Variants in EXOC4 observed in about 807,000 individuals in gnomAD.
EXOC4 encodes exocyst complex component 4.
A neutral mutation model predicts 107.2 loss-of-function variants in EXOC4; 71 were observed. The observed-to-expected ratio is 0.66, with a 90% CI of 0.55 to 0.81. The LOEUF (loss-of-function observed/expected upper bound fraction) is 0.81. Among genes scored for constraint, EXOC4 ranks in the 30% least tolerant of loss-of-function variants. EXOC4 has a pLI of 0.00. For synonymous variants in EXOC4, 456 were observed against 441.2 expected (o/e 1.03, Z -0.42); for missense variants, 1,108 against 1,189.6 (o/e 0.93, Z 1.01).
intron 11 of EXOC4, among the ~76,000 whole-genome samples, chr7:133,857,527 G>A (rs1798442671): frequency 6.7e-6 from 1 of 148,246 alleles, no homozygotes; most frequent in South Asian, 2.2e-4. Context: ...AGGCTGTGCT[G>A]CTCGGCTCAT....
At position 133,484,299 on chromosome 7, in the gene EXOC4, T is replaced by C. The variant is rs1584952245; in HGVS notation, c.1417+4161T>C. 9 of 840,144 alleles carry C rather than the reference T, an allele frequency of 1.1e-5. No homozygotes were observed. In the East Asian group the frequency reaches 2.3e-4, roughly 21 times the overall value. 52.0% of individuals were successfully genotyped at this position (840,144 alleles called of 1,614,324 possible). A position where few individuals can be genotyped will look rare whatever the true frequency, so the allele number is the denominator to read the frequency against. The stretch of plus-strand genomic sequence containing the variant: ...GCTGTTGGCAGTTGGGCTGCGGAGA[T>C]GTGGGTGCTGCTTCAAAATGTGTGA... On this transcript the variant is annotated intron_variant, in intron 9 of 17. Coordinates refer to ENST00000253861, the MANE Select transcript of EXOC4 (RefSeq NM_021807.4).
intron 15 of EXOC4, among the ~76,000 whole-genome samples, chr7:133,998,903 C>T (rs898661638): frequency 6.6e-6 from 1 of 151,990 alleles, no homozygotes; most frequent in African/African-American, 2.4e-5. Context: ...GAAGGTAGAG[C>T]TAATGAAGTT....
intron 9 of EXOC4, among the ~76,000 whole-genome samples, chr7:133,572,659 C>T (rs972531012): frequency 6.6e-6 from 1 of 152,100 alleles, no homozygotes; most frequent in African/African-American, 2.4e-5. Context: ...ACAAAAATCG[C>T]TTTCATGAAA....
At chr7:133,441,569 T>C (rs1409343513) in intron 7 of EXOC4, among the ~76,000 whole-genome samples, 1 of 152,104 alleles carries the variant, frequency 6.6e-6, no homozygotes, top group Admixed American at 6.5e-5. Context: ...TTTTGTATTT[T>C]TTTCTGTAGA....
chr7:133,382,710 GA>G (rs1796644194), intron 7 of EXOC4, among the ~76,000 whole-genome samples: 1 of 152,160 alleles, frequency 6.6e-6, no homozygotes, highest in Admixed American at 6.6e-5. Flanking sequence ...TCTTTGAATG[GA>G]AAACATTTCC....
chr7:133,305,284 G>A lies in EXOC4; in HGVS notation c.472-593G>A, dbSNP rs1271601904. Among the ~76,000 whole-genome samples the A allele has an allele frequency of 3.3e-5, 5 of 152,048 alleles. No individual in the cohort carries two copies. In the East Asian group the frequency reaches 9.7e-4, roughly 29 times the overall value. The stretch of plus-strand genomic sequence containing the variant: ...GTCTTCCAGTCACCATTCATATCCC[G>A]TTTCTTCTATCAAACTGAATCAGGA... On this transcript the variant is annotated intron_variant, in intron 3 of 17. Transcript: ENST00000253861.
chr7:133,931,181 G>A (rs1800166855), intron 13 of EXOC4, among the ~76,000 whole-genome samples: 1 of 152,124 alleles, frequency 6.6e-6, no homozygotes, highest in Non-Finnish European at 1.5e-5. Flanking sequence ...ATAAACTCAG[G>A]ATTCAACACT....
chr7:133,435,713 C>T (rs758525576), intron 7 of EXOC4, among the ~76,000 whole-genome samples: 2 of 152,052 alleles, frequency 1.3e-5, no homozygotes, highest in African/African-American at 2.4e-5. Context: ...TATCCTAGTC[C>T]CATCCATCTG....
chr7:134,004,459 C>T (rs184337486), intron 15 of EXOC4, among the ~76,000 whole-genome samples: 1 of 152,256 alleles, frequency 6.6e-6, no homozygotes, highest in East Asian at 1.9e-4. Flanking sequence ...AAGTAGTCTC[C>T]TTACACTTTT....
intron 7 of EXOC4, among the ~76,000 whole-genome samples, chr7:133,429,381 G>T (rs765017110): frequency 2.6e-5 from 4 of 152,012 alleles, no homozygotes; most frequent in African/African-American, 9.7e-5. Flanking sequence ...AATTGATTCT[G>T]TTACGTATTA....
chr7:133,428,111 T>C (rs539875151), intron 7 of EXOC4, among the ~76,000 whole-genome samples: 1 of 152,206 alleles, frequency 6.6e-6, no homozygotes, highest in Non-Finnish European at 1.5e-5. Flanking sequence ...TTAGAATTGC[T>C]GGATCACACT....
At chr7:133,833,172 A>AGGTGGT (rs1563019188) in intron 11 of EXOC4, among the ~76,000 whole-genome samples, 1 of 95,390 alleles carries the variant, frequency 1.0e-5, no homozygotes, top group Non-Finnish European at 2.6e-5. Flanking sequence ...AACTTAACAC[A>AGGTGGT]ATGATTTTTC....
At chr7:133,734,587 T>A (rs1281452772) in intron 10 of EXOC4, among the ~76,000 whole-genome samples, 1 of 152,096 alleles carries the variant, frequency 6.6e-6, no homozygotes, top group Non-Finnish European at 1.5e-5. Context: ...GAAATTCTAG[T>A]TTTCCTGTAC....
At chr7:133,397,059 C>T (rs1234734846) in intron 7 of EXOC4, among the ~76,000 whole-genome samples, 1 of 152,162 alleles carries the variant, frequency 6.6e-6, no homozygotes, top group African/African-American at 2.4e-5. Context: ...CTGGTCCAGA[C>T]AAAGCCCATC....
chr7:134,058,152 G>A (rs1795973587), intron 17 of EXOC4, among the ~76,000 whole-genome samples: 1 of 152,082 alleles, frequency 6.6e-6, no homozygotes, highest in South Asian at 2.1e-4. Context: ...ATCTACCATT[G>A]GGTTTTTATT....
At chr7:133,741,582 T>C (rs1301424633) in intron 10 of EXOC4, among the ~76,000 whole-genome samples, 1 of 152,196 alleles carries the variant, frequency 6.6e-6, no homozygotes, top group African/African-American at 2.4e-5. Flanking sequence ...TGGGACATAG[T>C]TGGCACTCAG....
At chr7:133,922,654 T>G (rs895428443) in intron 13 of EXOC4, among the ~76,000 whole-genome samples, 1 of 152,134 alleles carries the variant, frequency 6.6e-6, no homozygotes, top group African/African-American at 2.4e-5. Context: ...GAGACCATCT[T>G]GCCTAACACG....
chr7:133,292,308 C>T (rs947981748), intron 3 of EXOC4, among the ~76,000 whole-genome samples: 14 of 152,210 alleles, frequency 9.2e-5, no homozygotes, highest in Non-Finnish European at 1.5e-4. Context: ...ATTATCTTTG[C>T]AATGTTGTGT....
chr7:133,931,352 A>G (rs1358801827), intron 13 of EXOC4, among the ~76,000 whole-genome samples: 2 of 152,226 alleles, frequency 1.3e-5, no homozygotes, highest in East Asian at 3.8e-4. Context: ...CTTGATATAT[A>G]AGTAATGGAT....
Sources: gnomAD v4.1 joint callset for allele counts (sites outside exome capture counted in the v4.1 genomes callset) on GRCh38, gnomAD v4.1.1 for gene constraint, MANE v1.5 for transcripts, NCBI Gene and HGNC (gene_info 2026-07-23, HGNC 2026-07-21) for gene names.